The following PSMD13 variants were observed in gnomAD, a reference collection of about 807,000 sequenced individuals.
The protein encoded by PSMD13 is proteasome 26S subunit, non-ATPase 13.
A neutral mutation model predicts 57.4 loss-of-function variants in PSMD13; 8 were observed. The ratio of observed to expected loss-of-function variants is 0.14; its 90% confidence interval spans 0.08 to 0.25. The LOEUF is 0.25. Among genes scored for constraint, PSMD13 ranks in the 10% least tolerant of loss-of-function variants. PSMD13 has a pLI of 1.00. For missense variants in PSMD13, 400 were observed against 461.5 expected, an observed-to-expected ratio of 0.87 and a Z score of 1.22; for synonymous variants, 193 against 168.2, an observed-to-expected ratio of 1.15 and a Z score of -1.14.
chr11:242,771 C>G (rs1350800122), intron 2 of PSMD13, among the ~76,000 whole-genome samples: 1 of 152,022 alleles, frequency 6.6e-6, no homozygotes, highest in Non-Finnish European at 1.5e-5. Flanking sequence ...ATACTTGATC[C>G]TGATACTACA....
intron 5 of PSMD13, 77 bp from the exon 6 acceptor site, chr11:244,598 T>G: frequency 6.6e-7 from 1 of 1,521,464 alleles, no homozygotes; most frequent in South Asian, 1.1e-5. Context: ...GTTAAGTTAA[T>G]GTACAAGTAG....
chr11:247,648 A>C, intron 7 of PSMD13, 200 bp downstream of exon 7: 2 of 476,058 alleles, frequency 4.2e-6, no homozygotes, highest in Non-Finnish European at 7.3e-6. Context: ...CCTGGCCAAC[A>C]TGGTGAAACC....
At position 247,266 on chromosome 11, in the gene PSMD13, C is replaced by G. The variant is rs770612444; in HGVS notation, c.397-11C>G. The G allele has an allele frequency of 2.5e-6, 4 of 1,594,024 alleles. No homozygotes were observed. Among genetic ancestry groups the G allele is most frequent in the Non-Finnish European group, 3.4e-6 (4 of 1,172,488 alleles). ...CTTAAAAAGAGAGATGATTTTCCTT[C>G]CTGTGTATAGGAAACAATTGAAGAT... On this transcript the variant is annotated splice_polypyrimidine_tract_variant and intron_variant, in intron 6 of 12. Coordinates refer to ENST00000532097, the MANE Select transcript of PSMD13 (RefSeq NM_002817.4).
At chr11:245,375 C>T (rs989083597) in intron 6 of PSMD13, among the ~76,000 whole-genome samples, 7 of 152,232 alleles carry the variant, frequency 4.6e-5, no homozygotes, top group Non-Finnish European at 8.8e-5. Flanking sequence ...TGTGTGACCA[C>T]AGCACATCCG....
In PSMD13 at chr11:237,014, C is replaced by T. The variant is rs529977921; in HGVS notation, c.-36C>T. On this transcript the variant is annotated 5_prime_UTR_variant, in exon 1 of 13. Transcript: ENST00000532097. The stretch of plus-strand genomic sequence containing the variant: ...AGCCATCCCCGCGGTGCTGACATCC[C>T]GGTTGTTCTTCTGTGCCGGGGGTCT... The T allele has an allele frequency of 4.8e-5, 75 of 1,549,814 alleles. No homozygotes were observed. The highest frequency in any genetic ancestry group is 1.7e-4 in the Middle Eastern group (1 of 5,826).
intron 2 of PSMD13, among the ~76,000 whole-genome samples, chr11:242,666 G>A (rs755668689): frequency 2.0e-5 from 3 of 152,254 alleles, no homozygotes; most frequent in South Asian, 4.1e-4. Flanking sequence ...AGGCACAAGC[G>A]TTCACAGTTC....
chr11:243,967 A>G, intron 2 of PSMD13, 74 bp from the exon 3 acceptor site: 1 of 1,453,008 alleles, frequency 6.9e-7, no homozygotes, highest in Non-Finnish European at 9.5e-7. Flanking sequence ...TCTTTACCAA[A>G]GATAGTGTTT....
intron 2 of PSMD13, among the ~76,000 whole-genome samples, chr11:243,641 A>G (rs987966085): frequency 6.6e-6 from 1 of 152,218 alleles, no homozygotes; most frequent in Non-Finnish European, 1.5e-5. Context: ...AGCGCAGGCC[A>G]TCTTCACAAG....
rs1220366119 is a variant in PSMD13, at chr11:243,563, T to G, written c.175-478T>G. On this transcript the variant is annotated intron_variant, in intron 2 of 12. Coordinates refer to ENST00000532097, the MANE Select transcript of PSMD13 (RefSeq NM_002817.4). The stretch of plus-strand genomic sequence containing the variant: ...GATTCACCTTCCTTCCACAGTGGTC[T>G]TCTTATTATTTAAATAAGCAGGATA... 2.2e-5 allele frequency: 8 copies of G among 356,654 alleles called. No individual in the cohort carries two copies. The East Asian group carries it at 4.4e-4, about 20-fold the overall frequency. 22.1% of individuals were successfully genotyped at this position (356,654 alleles called of 1,614,324 possible). A position where few individuals can be genotyped will look rare whatever the true frequency, so the allele number is the denominator to read the frequency against.
intron 2 of PSMD13, chr11:243,234 G>T: frequency 1.8e-6 from 1 of 543,186 alleles, no homozygotes; most frequent in Non-Finnish European, 3.6e-6. Context: ...TAACGTGGTG[G>T]GAAATGTACA....
rs1244144707 is a variant in PSMD13 at position 244,186 on chromosome 11, A to G, written c.235A>G (p.Ile79Val). The G allele has an allele frequency of 1.9e-6, 3 of 1,610,752 alleles. No homozygotes were observed. The highest frequency in any genetic ancestry group is 1.3e-5 in the African/African-American group (1 of 74,936). Reference sequence around the variant, plus strand: ...GGTGAACCCTTTGTCCCTCGTGGAAATCATTCTTCATGTAGTTAGACAGAT... The same window carrying G: ...GGTGAACCCTTTGTCCCTCGTGGAAGTCATTCTTCATGTAGTTAGACAGAT... ...HRVNPLSLVE[I>V]ILHVVRQMTD... The change falls in exon 4 of 13, where the codon ATC (isoleucine) becomes GTC (valine). Residue 79 changes from isoleucine to valine, a missense_variant. Physicochemically the swap from Ile to Val is conservative, Grantham distance 29. Transcript: ENST00000532097.
intron 9 of PSMD13, among the ~76,000 whole-genome samples, chr11:250,287 G>A (rs566082590): frequency 3.9e-5 from 6 of 152,326 alleles, no homozygotes; most frequent in East Asian, 1.9e-4. Flanking sequence ...TTGCAGAAGC[G>A]TATATTCTAG....
At chr11:248,642 G>A (rs766560452) in intron 7 of PSMD13, 134 bp from the exon 8 acceptor site, 6 of 823,374 alleles carry the variant, frequency 7.3e-6, no homozygotes, top group Non-Finnish European at 1.2e-5. Flanking sequence ...CAGAAGAGGT[G>A]ACTAATGTCA....
intron 1 of PSMD13, among the ~76,000 whole-genome samples, chr11:237,396 T>C (rs892602834): frequency 6.6e-6 from 1 of 152,346 alleles, no homozygotes; most frequent in Non-Finnish European, 1.5e-5. Flanking sequence ...TGAGATTCAC[T>C]GCTTCCTTAA....
Position 248,874 on chromosome 11 carries a change from C to G in PSMD13, c.648+19C>G, listed in dbSNP as rs1590253307. 2 of 1,614,132 alleles carry G rather than the reference C, an allele frequency of 1.2e-6. No homozygotes were observed. The highest frequency in any genetic ancestry group is 1.1e-5 in the South Asian group (1 of 91,074). On this transcript the variant is annotated intron_variant, in intron 8 of 12. Coordinates refer to ENST00000532097, the MANE Select transcript of PSMD13 (RefSeq NM_002817.4). ...AGAACTCGTAAGTTGACCCTGAGCTCAGCTTCCTTAACGAGAGAGACTAAA... is the reference window on the plus strand; with the variant it reads ...AGAACTCGTAAGTTGACCCTGAGCTGAGCTTCCTTAACGAGAGAGACTAAA...
chr11:246,398 A>T (rs1226801166), intron 6 of PSMD13, among the ~76,000 whole-genome samples: 2 of 152,182 alleles, frequency 1.3e-5, no homozygotes, highest in African/African-American at 4.8e-5. Flanking sequence ...GCCACTCGGG[A>T]GGCTGAGGCA....
rs182750760 is a variant in PSMD13, at chr11:245,168, C to G, written c.396+407C>G. ...ATGTTGGCCAGGCTGGTCTGGAACT[C>G]CTGACCTCAAGTGATCCCTCTGCCT... On this transcript the variant is annotated intron_variant, in intron 6 of 12. Coordinates refer to ENST00000532097, the MANE Select transcript of PSMD13 (RefSeq NM_002817.4). Among the ~76,000 whole-genome samples, 158 of 152,300 alleles carry G rather than the reference C, an allele frequency of 1.0e-3. 2 individuals carry two copies. The highest frequency in any genetic ancestry group is 7.1e-3 in the Admixed American group (109 of 15,296).
At position 237,031 on chromosome 11, in the gene PSMD13, C is replaced by CG. The variant is rs1859261052; in HGVS notation, c.-14dup. Reference sequence around the variant, plus strand: ...TGACATCCCGGTTGTTCTTCTGTGCCGGGGGTCTTCCTGCTGTCATGAAGG... The same window carrying CG: ...TGACATCCCGGTTGTTCTTCTGTGCCGGGGGGTCTTCCTGCTGTCATGAAGG... On this transcript the variant is annotated 5_prime_UTR_variant, in exon 1 of 13. Transcript: ENST00000532097. 6.3e-7 allele frequency: 1 copy of CG among 1,595,872 alleles called. No individual in the cohort carries two copies. Among genetic ancestry groups the CG allele is most frequent in the Non-Finnish European group, 8.6e-7 (1 of 1,163,882 alleles).
intron 1 of PSMD13, among the ~76,000 whole-genome samples, chr11:238,415 G>C (rs1380005226): frequency 6.6e-6 from 1 of 152,224 alleles, no homozygotes; most frequent in Non-Finnish European, 1.5e-5. Flanking sequence ...CAATAGCAGA[G>C]CCAGGAAAAG....
Sources: gnomAD v4.1 joint callset for allele counts (sites outside exome capture counted in the v4.1 genomes callset) on GRCh38, gnomAD v4.1.1 for gene constraint, MANE v1.5 for transcripts, NCBI Gene and HGNC (gene_info 2026-07-23, HGNC 2026-07-21) for gene names.